Variants in FRY observed in about 807,000 individuals in gnomAD.
FRY encodes FRY microtubule binding protein.
FRY carries 128 observed loss-of-function variants against 348.4 expected under a neutral mutation model. The observed-to-expected ratio is 0.37, with a 90% CI of 0.32 to 0.43. The LOEUF is 0.43. Among genes scored for constraint, FRY ranks in the 20% least tolerant of loss-of-function variants. FRY has a pLI of 1.00. For synonymous variants in FRY, 1,370 were observed against 1,374.7 expected, an observed-to-expected ratio of 1.00 and a Z score of 0.08; for missense variants, 2,736 against 3,695.2, an observed-to-expected ratio of 0.74 and a Z score of 6.73.
chr13:32,274,999 T>C lies in FRY; in HGVS notation c.8286+8T>C. On this transcript the variant is annotated splice_region_variant and intron_variant, in intron 56 of 60. Transcript: ENST00000542859. ...TTTGTGGATGCCGAGACTGTGAGTA[T>C]CCCAGTCCTGCTCTGACAGTGAAGG... 1 of 1,612,460 alleles carries C rather than the reference T, an allele frequency of 6.2e-7. No homozygotes were observed. The highest frequency in any genetic ancestry group is 8.5e-7 in the Non-Finnish European group (1 of 1,178,570).
Position 32,295,324 on chromosome 13 carries a change from A to G in FRY, c.8906A>G (p.Asn2969Ser). 1 of 1,608,286 alleles carries G rather than the reference A, an allele frequency of 6.2e-7. No homozygotes were observed. The highest frequency in any genetic ancestry group is 2.2e-5 in the East Asian group (1 of 44,622). The change falls in exon 61 of 61, where the codon AAC (asparagine) becomes AGC (serine). Residue 2969 changes from asparagine to serine, a missense_variant. By Grantham distance (46) the Asn-to-Ser change is conservative. This residue lies in a region of FRY where 157 missense variants were observed against 215.2 expected (regional missense o/e 0.73). Transcript: ENST00000542859. Reference protein sequence around the residue: ...QTGTYALVGSNQSLTEICTKL... With the variant: ...QTGTYALVGSSQSLTEICTKL... ...GGTACTTATGCCCTGGTGGGGTCTA[A>G]CCAGAGCCTGACCGAGATCTGCACC...
chr13:32,102,149 T>C (rs1422131484), intron 3 of FRY, 133 bp downstream of exon 3: 1 of 664,448 alleles, frequency 1.5e-6, no homozygotes. Flanking sequence ...TTAAGAACTG[T>C]ACCCTGCAGT....
chr13:32,160,814 C>T (rs1881399231), intron 16 of FRY, among the ~76,000 whole-genome samples: 2 of 23,560 alleles, frequency 8.5e-5, no homozygotes, highest in Non-Finnish European at 1.5e-4. Flanking sequence ...TACATTTCTT[C>T]ATGTGGATGT....
intron 2 of FRY, among the ~76,000 whole-genome samples, chr13:32,097,396 C>T (rs1876813884): frequency 1.5e-5 from 2 of 131,950 alleles, no homozygotes; most frequent in Admixed American, 1.7e-4. Flanking sequence ...GAGTCTTGCT[C>T]TGTGGCCCCA....
chr13:32,177,107 C>G (rs1449055087), intron 20 of FRY, among the ~76,000 whole-genome samples: 1 of 152,138 alleles, frequency 6.6e-6, no homozygotes, highest in African/African-American at 2.4e-5. Flanking sequence ...ACATGCCTAA[C>G]AAACATAAAG....
At chr13:32,089,385 G>T (rs922166333) in intron 2 of FRY, among the ~76,000 whole-genome samples, 4 of 152,126 alleles carry the variant, frequency 2.6e-5, no homozygotes, top group African/African-American at 7.2e-5. Flanking sequence ...AGGCAGGGGG[G>T]TTGGAATATT....
intron 58 of FRY, among the ~76,000 whole-genome samples, chr13:32,284,845 A>G (rs1002506379): frequency 6.6e-6 from 1 of 152,328 alleles, no homozygotes; most frequent in African/African-American, 2.4e-5. Flanking sequence ...AGTTTCTTAG[A>G]TTTTTACTGA....
At chr13:32,205,042 A>C (rs1000041285) in intron 31 of FRY, among the ~76,000 whole-genome samples, 2 of 152,124 alleles carry the variant, frequency 1.3e-5, no homozygotes, top group African/African-American at 4.8e-5. Flanking sequence ...GTCTCTACTA[A>C]AAATACAAAA....
intron 20 of FRY, among the ~76,000 whole-genome samples, chr13:32,176,947 A>C (rs370382343): frequency 6.6e-6 from 1 of 152,348 alleles, no homozygotes; most frequent in East Asian, 1.9e-4. Flanking sequence ...TTCTCAGGTC[A>C]CAGGCTTTGG....
intron 41 of FRY, among the ~76,000 whole-genome samples, chr13:32,233,942 C>T (rs941894989): frequency 6.6e-6 from 1 of 152,066 alleles, no homozygotes; most frequent in African/African-American, 2.4e-5. Context: ...GTTCCAAAGC[C>T]TTTTTCTACT....
chr13:32,225,169 T>A, intron 38 of FRY, 133 bp downstream of exon 38: 1 of 705,864 alleles, frequency 1.4e-6, no homozygotes. Context: ...CATTTTTCAT[T>A]GCCCTTTTGT....
At chr13:32,253,218 T>C (rs1366948959) in intron 50 of FRY, among the ~76,000 whole-genome samples, 2 of 152,236 alleles carry the variant, frequency 1.3e-5, no homozygotes, top group Non-Finnish European at 2.9e-5. Context: ...CAGGGCTCTT[T>C]ATCTCATGTA....
intron 1 of FRY, among the ~76,000 whole-genome samples, chr13:32,067,010 G>A (rs1593576518): frequency 1.3e-5 from 2 of 152,248 alleles, no homozygotes; most frequent in African/African-American, 4.8e-5. Context: ...ACGGTGCTAA[G>A]TGCTGGTGAT....
chr13:32,166,545 T>C (rs560387750), intron 17 of FRY, among the ~76,000 whole-genome samples: 5 of 152,362 alleles, frequency 3.3e-5, no homozygotes, highest in African/African-American at 7.2e-5. Flanking sequence ...GCTATTTTTT[T>C]CCCGCTTTAT....
intron 58 of FRY, among the ~76,000 whole-genome samples, chr13:32,287,042 G>T (rs1889108204): frequency 6.6e-6 from 1 of 151,530 alleles, no homozygotes; most frequent in South Asian, 2.1e-4. Context: ...GCACGCGCTT[G>T]TAATCCCAGC....
In FRY at chr13:32,193,591, CT is replaced by C. The variant is rs71194514; in HGVS notation, c.3592-540del. Among the ~76,000 whole-genome samples, 158 of 130,084 alleles carry C rather than the reference CT, an allele frequency of 1.2e-3. 2 individuals are homozygous for C. The East Asian group carries it at 0.013, about 10-fold the overall frequency. The allele number at this position is 130,084 out of a possible 152,430, so 85.3% of individuals were successfully genotyped here. ...AAAAATTGCCAATAAAGTCTTCGTCCTTTTTTTTTTTTGAGACCTAGTCTCA... is the reference window on the plus strand; with the variant it reads ...AAAAATTGCCAATAAAGTCTTCGTCCTTTTTTTTTTTGAGACCTAGTCTCA... On this transcript the variant is annotated intron_variant, in intron 28 of 60. Transcript: ENST00000542859.
At chr13:32,169,275 A>C (rs1881923000) in intron 17 of FRY, among the ~76,000 whole-genome samples, 1 of 150,954 alleles carries the variant, frequency 6.6e-6, no homozygotes, top group Non-Finnish European at 1.5e-5. Context: ...TTCCTGCCTG[A>C]CTCTCTTTTC....
At chr13:32,290,823 G>T (rs1201948649) in intron 59 of FRY, among the ~76,000 whole-genome samples, 2 of 152,036 alleles carry the variant, frequency 1.3e-5, no homozygotes, top group Non-Finnish European at 2.9e-5. Context: ...CTAATGGGGG[G>T]ATGAAGGAGA....
intron 59 of FRY, among the ~76,000 whole-genome samples, chr13:32,292,545 G>A (rs1889425285): frequency 6.6e-6 from 1 of 151,816 alleles, no homozygotes; most frequent in South Asian, 2.1e-4. Context: ...TGTAATCCCA[G>A]CACTTTGGGA....
Sources: gnomAD v4.1 joint callset for allele counts (sites outside exome capture counted in the v4.1 genomes callset) on GRCh38, gnomAD v4.1.1 for gene constraint, gnomAD v4.1.1 regional missense constraint, MANE v1.5 for transcripts, NCBI Gene and HGNC (gene_info 2026-07-23, HGNC 2026-07-21) for gene names.